NAV3: variants seen among roughly 807,000 people sequenced by gnomAD.
The protein encoded by NAV3 is neuron navigator 3.
A neutral mutation model predicts 244.7 loss-of-function variants in NAV3; 87 were observed. The ratio of observed to expected loss-of-function variants is 0.36; its 90% confidence interval spans 0.30 to 0.42. The LOEUF (loss-of-function observed/expected upper bound fraction) is 0.42. NAV3 is among the 20% of genes least tolerant of loss of function. The pLI is 1.00. For synonymous variants in NAV3, 1,126 were observed against 1,042.2 expected (o/e 1.08, Z -1.55); for missense variants, 2,663 against 2,893.3 (o/e 0.92, Z 1.83).
chr12:77,616,866 T>G (rs575514032), intron 2 of NAV3, among the ~76,000 whole-genome samples: 1 of 152,312 alleles, frequency 6.6e-6, no homozygotes, highest in African/African-American at 2.4e-5. Context: ...CTTTTCTACA[T>G]TTCTTTTATA....
chr12:77,660,432 T>G (rs983173143), intron 2 of NAV3, among the ~76,000 whole-genome samples: 3 of 152,204 alleles, frequency 2.0e-5, no homozygotes, highest in African/African-American at 7.2e-5. Context: ...TATGAACCAA[T>G]TGTGTGTCTT....
intron 2 of NAV3, among the ~76,000 whole-genome samples, chr12:77,625,376 A>G (rs1016154121): frequency 5.9e-5 from 9 of 152,190 alleles, no homozygotes; most frequent in African/African-American, 1.4e-4. Context: ...TAAAATATAT[A>G]TGAAAATACT....
chr12:78,005,062 C>T (rs1283396963), intron 7 of NAV3, among the ~76,000 whole-genome samples: 1 of 152,088 alleles, frequency 6.6e-6, no homozygotes, highest in Non-Finnish European at 1.5e-5. Flanking sequence ...GTTCATCAGC[C>T]AGTTAAAAAA....
rs535683362 is a variant in NAV3 at position 77,873,106 on chromosome 12, T to C, written c.243+41402T>C. On this transcript the variant is annotated intron_variant, in intron 1 of 39. Coordinates refer to ENST00000397909, the MANE Select transcript of NAV3 (RefSeq NM_001024383.2). ...CACATGCTCTTGGCTGCCACCATTA[T>C]ATTTCTTTATTTATATTTATACACT... Among the ~76,000 whole-genome samples the C allele has an allele frequency of 2.0e-5, 3 of 152,312 alleles. No individual in the cohort carries two copies. In the East Asian group the frequency reaches 5.8e-4, roughly 29 times the overall value.
chr12:77,990,869 C>G (rs1871325430), intron 5 of NAV3, among the ~76,000 whole-genome samples: 1 of 152,102 alleles, frequency 6.6e-6, no homozygotes. Flanking sequence ...GAGTGCTCCA[C>G]TGTCTGTTTT....
intron 2 of NAV3, among the ~76,000 whole-genome samples, chr12:77,575,946 G>A (rs1869061018): frequency 6.6e-6 from 1 of 152,092 alleles, no homozygotes; most frequent in Non-Finnish European, 1.5e-5. Flanking sequence ...AAAGACATGA[G>A]CAATATTATT....
intron 2 of NAV3, among the ~76,000 whole-genome samples, chr12:77,624,954 A>G (rs1871549660): frequency 6.6e-6 from 1 of 152,208 alleles, no homozygotes; most frequent in Non-Finnish European, 1.5e-5. Context: ...TAGCTAATGG[A>G]TACTGGGCTT....
At chr12:77,923,561 A>T (rs1003159635) in intron 1 of NAV3, among the ~76,000 whole-genome samples, 2 of 152,194 alleles carry the variant, frequency 1.3e-5, no homozygotes. Flanking sequence ...TAGGACTGTA[A>T]CATCTACTGT....
chr12:77,778,125 T>G, intron 2 of NAV3, among the ~76,000 whole-genome samples: 1 of 140,104 alleles, frequency 7.1e-6, no homozygotes, highest in African/African-American at 2.8e-5. Flanking sequence ...CTTTCCTTCT[T>G]TCCTCCCTTC....
At chr12:77,842,674 T>C (rs1875885132) in intron 1 of NAV3, among the ~76,000 whole-genome samples, 1 of 151,666 alleles carries the variant, frequency 6.6e-6, no homozygotes, top group South Asian at 2.1e-4. Flanking sequence ...GTTCCAAGGG[T>C]CACCGAGTGG....
chr12:77,875,611 A>C (rs1267732716), intron 1 of NAV3, among the ~76,000 whole-genome samples: 1 of 152,044 alleles, frequency 6.6e-6, no homozygotes, highest in Admixed American at 6.6e-5. Flanking sequence ...TGAGTCAAGT[A>C]ATGAGGAAAA....
At chr12:78,162,415 T>C (rs1156254218) in intron 23 of NAV3, among the ~76,000 whole-genome samples, 1 of 152,082 alleles carries the variant, frequency 6.6e-6, no homozygotes, top group Non-Finnish European at 1.5e-5. Context: ...TAGGTCTATA[T>C]CTATAGACAT....
intron 5 of NAV3, among the ~76,000 whole-genome samples, chr12:77,968,930 G>T (rs1892752653): frequency 6.6e-6 from 1 of 152,122 alleles, no homozygotes; most frequent in Non-Finnish European, 1.5e-5. Context: ...AAAGATTGTT[G>T]TTCTGTATCA....
chr12:78,079,501 C>T (rs1953238380), intron 12 of NAV3, among the ~76,000 whole-genome samples: 1 of 152,128 alleles, frequency 6.6e-6, no homozygotes, highest in African/African-American at 2.4e-5. Flanking sequence ...ATCTGTTTCA[C>T]AATCCCAAAC....
intron 22 of NAV3, among the ~76,000 whole-genome samples, chr12:78,149,910 C>T (rs1304717077): frequency 2.0e-5 from 3 of 151,934 alleles, no homozygotes; most frequent in South Asian, 2.1e-4. Context: ...ATTTCATTCA[C>T]GATGTATTCA....
At chr12:77,651,383 T>C (rs1872814867) in intron 2 of NAV3, among the ~76,000 whole-genome samples, 1 of 152,216 alleles carries the variant, frequency 6.6e-6, no homozygotes, top group South Asian at 2.1e-4. Context: ...ATTTTGTTGT[T>C]GATTTAGCTT....
At chr12:77,961,116 TAATA>T (rs760007237) in intron 3 of NAV3, among the ~76,000 whole-genome samples, 31 of 145,704 alleles carry the variant, frequency 2.1e-4, no homozygotes, top group Non-Finnish European at 3.4e-4. Context: ...ATATGTAATA[TAATA>T]AATATATACT....
chr12:77,681,588 C>T (rs574663980), intron 2 of NAV3, among the ~76,000 whole-genome samples: 3 of 152,232 alleles, frequency 2.0e-5, no homozygotes, highest in Admixed American at 6.5e-5. Context: ...AACCACAAAC[C>T]GTGCAGTGTT....
intron 1 of NAV3, among the ~76,000 whole-genome samples, chr12:77,878,789 T>G (rs1199069854): frequency 6.6e-6 from 1 of 151,870 alleles, no homozygotes. Context: ...TTCTATCATT[T>G]TTTTTTTTAG....
Sources: allele counts gnomAD v4.1 joint callset (sites outside exome capture counted in the v4.1 genomes callset), GRCh38; gene constraint gnomAD v4.1.1; transcripts MANE v1.5; gene names NCBI Gene and HGNC (gene_info 2026-07-23, HGNC 2026-07-21).